Variants in PPP2R2D observed in about 807,000 individuals in gnomAD.
The protein encoded by PPP2R2D is protein phosphatase 2 regulatory subunit Bdelta, also known as serine/threonine-protein phosphatase 2A 55 kDa regulatory subunit B delta isoform.
A neutral mutation model predicts 31.1 loss-of-function variants in PPP2R2D; 9 were observed. The observed-to-expected ratio is 0.29, with a 90% CI of 0.17 to 0.51. PPP2R2D has a LOEUF of 0.51. PPP2R2D is among the 20% of genes least tolerant of loss of function. The pLI is 0.98. For missense variants in PPP2R2D, 391 were observed against 465.6 expected, an observed-to-expected ratio of 0.84 and a Z score of 1.48; for synonymous variants, 179 against 172.6, an observed-to-expected ratio of 1.04 and a Z score of -0.29.
chr10:131,965,852 C>A, the PPP2R2D span, among the ~76,000 whole-genome samples: 1 of 152,220 alleles, frequency 6.6e-6, no homozygotes, highest in Non-Finnish European at 1.5e-5. Flanking sequence ...TGTTTTACTT[C>A]ACATACCCTG....
At chr10:131,953,862 C>G (rs577487043) in intron 8 of PPP2R2D, among the ~76,000 whole-genome samples, 1 of 152,096 alleles carries the variant, frequency 6.6e-6, no homozygotes, top group Non-Finnish European at 1.5e-5. Flanking sequence ...TCAAATATTG[C>G]AAAATACCCT....
At chr10:131,926,646 C>T (rs2036112873) in intron 2 of PPP2R2D, among the ~76,000 whole-genome samples, 1 of 152,238 alleles carries the variant, frequency 6.6e-6, no homozygotes, top group African/African-American at 2.4e-5. Flanking sequence ...AGCTCTACTC[C>T]TCTTTCTGCA....
chr10:131,913,844 A>G (rs1388541650), intron 2 of PPP2R2D, among the ~76,000 whole-genome samples: 1 of 152,232 alleles, frequency 6.6e-6, no homozygotes, highest in Non-Finnish European at 1.5e-5. Context: ...AGTCTTGCTA[A>G]TGATGTTAGA....
the PPP2R2D span, chr10:131,970,465 GC>G: frequency 1.1e-6 from 1 of 948,878 alleles, no homozygotes; most frequent in Admixed American, 2.9e-5. The surrounding 1 kb of genome is among the most constrained non-coding windows in gnomAD (Gnocchi z 4.1). Flanking sequence ...GCCTTTGGGG[GC>G]TGCAGGCTGG....
chr10:131,925,677 GA>G (rs1323156594), intron 2 of PPP2R2D, among the ~76,000 whole-genome samples: 1 of 152,126 alleles, frequency 6.6e-6, no homozygotes, highest in Admixed American at 6.5e-5. Flanking sequence ...AATGATGCAA[GA>G]TTTTTTTTGC....
downstream of PPP2R2D, among the ~76,000 whole-genome samples, chr10:131,963,894 C>T (rs577467383): frequency 6.6e-6 from 1 of 152,328 alleles, no homozygotes; most frequent in East Asian, 1.9e-4. Context: ...CTCACCTGCA[C>T]CTGCCTTGGC....
At chr10:131,940,445 G>A in intron 4 of PPP2R2D, 137 bp from the exon 5 acceptor site, 1 of 605,186 alleles carries the variant, frequency 1.7e-6, no homozygotes, top group East Asian at 2.7e-5. Context: ...CCTCCAATTG[G>A]AAATATTCAT....
chr10:131,906,774 A>C (rs2035594189), intron 2 of PPP2R2D, among the ~76,000 whole-genome samples: 1 of 150,190 alleles, frequency 6.7e-6, no homozygotes, highest in African/African-American at 2.4e-5. Context: ...AAAAAAAAAA[A>C]GAAAGAAATT....
chr10:131,966,018 T>G, the PPP2R2D span, among the ~76,000 whole-genome samples: 1 of 152,208 alleles, frequency 6.6e-6, no homozygotes. Flanking sequence ...ATACTGCGTA[T>G]TTAGTTATAT....
intron 2 of PPP2R2D, among the ~76,000 whole-genome samples, chr10:131,911,170 G>C (rs2035677075): frequency 6.6e-6 from 1 of 152,184 alleles, no homozygotes; most frequent in South Asian, 2.1e-4. Flanking sequence ...GGGCAGTCTT[G>C]TGGGACAGAG....
chr10:131,943,536 G>A (rs1343358769), intron 5 of PPP2R2D, among the ~76,000 whole-genome samples: 4 of 152,140 alleles, frequency 2.6e-5, no homozygotes, highest in Non-Finnish European at 5.9e-5. Flanking sequence ...GCACCGAGAA[G>A]CATAGTCCTA....
intron 2 of PPP2R2D, among the ~76,000 whole-genome samples, chr10:131,910,645 T>C (rs2035667341): frequency 1.3e-5 from 2 of 152,198 alleles, no homozygotes; most frequent in South Asian, 2.1e-4. Context: ...CTGTGGAATA[T>C]GTATTTGGTC....
intron 3 of PPP2R2D, among the ~76,000 whole-genome samples, chr10:131,938,554 T>C (rs1168558961): frequency 6.6e-6 from 1 of 152,144 alleles, no homozygotes; most frequent in Non-Finnish European, 1.5e-5. Flanking sequence ...CTCCTGGTCT[T>C]TTTCACTCTC....
chr10:131,948,143 C>T (rs782553336), intron 8 of PPP2R2D, among the ~76,000 whole-genome samples: 8 of 152,150 alleles, frequency 5.3e-5, no homozygotes, highest in Admixed American at 1.3e-4. Context: ...CTGGAATGAC[C>T]GCGTTGCAGT....
chr10:131,966,167 A>G, the PPP2R2D span, among the ~76,000 whole-genome samples: 1 of 152,186 alleles, frequency 6.6e-6, no homozygotes, highest in Admixed American at 6.5e-5. Flanking sequence ...AGCCATGTGC[A>G]TTCCTTCTAA....
Position 131,952,598 on chromosome 10 carries a change from C to T in PPP2R2D, c.1083-3086C>T, listed in dbSNP as rs113206112. Among the ~76,000 whole-genome samples, 47 of 5,902 alleles carry T rather than the reference C, an allele frequency of 8.0e-3. 1 individual carries two copies. Among genetic ancestry groups the T allele is most frequent in the African/African-American group, 0.025 (14 of 568 alleles). The allele number at this position is 5,902 out of a possible 152,430, so 3.9% of individuals were successfully genotyped here. On this transcript the variant is annotated intron_variant, in intron 8 of 8. Coordinates refer to ENST00000455566, the MANE Select transcript of PPP2R2D (RefSeq NM_018461.5). ...GACTTGCGGGTGTGCGGGGGGTTCA[C>T]TGTCTTAGTGACTTGCGGGTGTGCG...
chr10:131,923,527 T>A (rs2036034757), intron 2 of PPP2R2D, among the ~76,000 whole-genome samples: 1 of 152,190 alleles, frequency 6.6e-6, no homozygotes, highest in Non-Finnish European at 1.5e-5. Context: ...TGCCAAACAG[T>A]TTCCCAAGGT....
At position 131,918,364 on chromosome 10, in the gene PPP2R2D, C is replaced by T. The variant is rs568004855; in HGVS notation, c.101-16094C>T. Among the ~76,000 whole-genome samples, 3 of 126,118 alleles carry T rather than the reference C, an allele frequency of 2.4e-5. No individual in the cohort carries two copies. The South Asian group carries it at 7.4e-4, about 31-fold the overall frequency. 82.7% of individuals were successfully genotyped at this position (126,118 alleles called of 152,430 possible). The stretch of plus-strand genomic sequence containing the variant: ...GGGACCTCAGGCGGGTGGAATGACA[C>T]AGTGTTTGTAGGGACCTCAGGCGGG... On this transcript the variant is annotated intron_variant, in intron 2 of 8. Transcript: ENST00000455566.
At position 131,903,335 on chromosome 10, in the gene PPP2R2D, C is replaced by G. The variant is rs930128360; in HGVS notation, c.100+2005C>G. On this transcript the variant is annotated intron_variant, in intron 2 of 8. Coordinates refer to ENST00000455566, the MANE Select transcript of PPP2R2D (RefSeq NM_018461.5). ...TACAGAAGTTAGCCGGGCGTGGTGG[C>G]ACATGCATGTAATCCCAGCTACCTG... Among the ~76,000 whole-genome samples the G allele has an allele frequency of 9.9e-5, 15 of 152,006 alleles. No individual in the cohort carries two copies. The East Asian group carries it at 2.5e-3, about 26-fold the overall frequency.
Sources: allele counts gnomAD v4.1 joint callset (sites outside exome capture counted in the v4.1 genomes callset), GRCh38; gene constraint gnomAD v4.1.1; non-coding constraint Gnocchi (gnomAD v3.1); transcripts MANE v1.5; gene names NCBI Gene and HGNC (gene_info 2026-07-23, HGNC 2026-07-21).